The following P4HA1 variants were observed in gnomAD, a reference collection of about 807,000 sequenced individuals.
P4HA1 encodes the protein prolyl 4-hydroxylase subunit alpha 1, also known as prolyl 4-hydroxylase subunit alpha-1.
In P4HA1, 24 loss-of-function variants were observed where a neutral mutation model predicts 72.8. The observed-to-expected ratio is 0.33, with a 90% CI of 0.24 to 0.46. The LOEUF is 0.46. P4HA1 is among the 20% of genes least tolerant of loss of function. The pLI, the probability that P4HA1 is intolerant of heterozygous loss-of-function variation, is 1.00. For synonymous variants in P4HA1, 201 were observed against 218.8 expected (o/e 0.92, Z 0.72); for missense variants, 446 against 640.6 (o/e 0.70, Z 3.28).
intron 5 of P4HA1, among the ~76,000 whole-genome samples, chr10:73,067,776 T>A (rs112258363): frequency 6.6e-6 from 1 of 152,164 alleles, no homozygotes; most frequent in East Asian, 1.9e-4. Flanking sequence ...ACATCCCTTA[T>A]GAGGTCCAGC....
At chr10:73,030,572 T>C (rs1167200366) in intron 9 of P4HA1, among the ~76,000 whole-genome samples, 1 of 152,072 alleles carries the variant, frequency 6.6e-6, no homozygotes, top group Non-Finnish European at 1.5e-5. Context: ...TGTTAGAGGT[T>C]GGGAAGGAAA....
At chr10:73,011,156 G>T in intron 12 of P4HA1, 119 bp from the exon 13 acceptor site, 1 of 736,884 alleles carries the variant, frequency 1.4e-6, no homozygotes, top group Non-Finnish European at 2.3e-6. Context: ...TTCTTATATA[G>T]CATGGTTGGT....
intron 10 of P4HA1, among the ~76,000 whole-genome samples, chr10:73,025,680 T>C (rs570162900): frequency 1.4e-4 from 21 of 152,228 alleles, no homozygotes; most frequent in African/African-American, 5.1e-4. Flanking sequence ...ATTGTCCCTG[T>C]TTGCAGATGA....
At chr10:73,071,888 A>G in intron 4 of P4HA1, 141 bp downstream of exon 4, 2 of 546,630 alleles carry the variant, frequency 3.7e-6, no homozygotes, top group Non-Finnish European at 6.3e-6. Flanking sequence ...AATTAACTCT[A>G]TTCAAACCAA....
At chr10:73,075,503 T>C (rs373611954) in intron 1 of P4HA1, among the ~76,000 whole-genome samples, 7 of 152,272 alleles carry the variant, frequency 4.6e-5, no homozygotes, top group Admixed American at 2.6e-4. Context: ...ATTAGAGTAA[T>C]TGAATAGTAG....
chr10:73,048,263 T>C (rs1840924472), intron 7 of P4HA1, among the ~76,000 whole-genome samples: 1 of 152,038 alleles, frequency 6.6e-6, no homozygotes, highest in Non-Finnish European at 1.5e-5. Flanking sequence ...AAAAAGAATT[T>C]TTTGTTTTTG....
chr10:73,069,506 A>G (rs1196768497), intron 4 of P4HA1, among the ~76,000 whole-genome samples: 3 of 152,214 alleles, frequency 2.0e-5, no homozygotes, highest in Admixed American at 1.3e-4. Flanking sequence ...TATTAACTAT[A>G]TATTTAAGAT....
In P4HA1 at chr10:73,072,112, G is replaced by A. The variant is rs1841577626; in HGVS notation, c.242C>T (p.Pro81Leu). 3 of 1,612,748 alleles carry A rather than the reference G, an allele frequency of 1.9e-6. No individual in the cohort carries two copies. The highest frequency in any genetic ancestry group is 1.7e-6 in the Non-Finnish European group (2 of 1,179,014). ...TTTCATTAATTTGAATGCATTTACT[G>A]GATGCCCAACAAATCCTTCTGGATC... is the stretch of plus-strand genomic sequence containing the variant. ...TKDPEGFVGHPVNAFKLMKRL... is the reference protein window; with the variant it reads ...TKDPEGFVGHLVNAFKLMKRL... Residue 81 changes from proline to leucine, a missense_variant, in exon 4 of 15, where the codon CCA (proline) becomes CTA (leucine). Physicochemically the swap from Pro to Leu is moderately conservative, Grantham distance 98. Transcript: ENST00000394890.
At chr10:73,046,146 C>T (rs887102574) in intron 8 of P4HA1, among the ~76,000 whole-genome samples, 2 of 152,130 alleles carry the variant, frequency 1.3e-5, no homozygotes, top group Non-Finnish European at 2.9e-5. Context: ...ATATGGCCTC[C>T]AAAGCCTAAA....
intron 13 of P4HA1, among the ~76,000 whole-genome samples, chr10:73,010,405 T>C (rs1371192576): frequency 6.6e-6 from 1 of 152,164 alleles, no homozygotes; most frequent in Admixed American, 6.5e-5. Flanking sequence ...ACCATAAAAA[T>C]GTTTGACAAC....
intron 8 of P4HA1, among the ~76,000 whole-genome samples, chr10:73,045,873 C>CAA (rs537895197): frequency 0.048 from 5,426 of 112,276 alleles, 349 homozygotes; most frequent in African/African-American, 0.15. Context: ...AATCTTTGGC[C>CAA]AAAAAAAAAA....
chr10:73,059,583 A>G (rs1041396773), intron 5 of P4HA1, among the ~76,000 whole-genome samples: 3 of 150,950 alleles, frequency 2.0e-5, no homozygotes, highest in African/African-American at 7.3e-5. Context: ...CTCTACTAAA[A>G]ATACAAAAAA....
chr10:73,063,578 C>T (rs1397006969), intron 5 of P4HA1, among the ~76,000 whole-genome samples: 6 of 152,122 alleles, frequency 3.9e-5, no homozygotes, highest in Non-Finnish European at 5.9e-5. Flanking sequence ...TTTTCGGTTA[C>T]GAGAACTAGT....
chr10:73,065,290 T>G (rs950824570), intron 5 of P4HA1: 3 of 152,118 alleles, frequency 2.0e-5, no homozygotes, highest in Admixed American at 2.0e-4. Context: ...AAATCAGGGT[T>G]GGGAACAAAC....
chr10:73,033,479 T>C (rs1840489751), intron 9 of P4HA1, among the ~76,000 whole-genome samples: 1 of 152,228 alleles, frequency 6.6e-6, no homozygotes, highest in Non-Finnish European at 1.5e-5. Flanking sequence ...ACTCCAGCAG[T>C]TATTGCCTCC....
At chr10:73,044,096 C>CA (rs929016213) in intron 9 of P4HA1, 3 of 501,730 alleles carry the variant, frequency 6.0e-6, no homozygotes, top group African/African-American at 5.8e-5. Flanking sequence ...CTCGAATCCA[C>CA]AAAAACATTT....
chr10:73,044,937 A>C (rs759080081), intron 9 of P4HA1, 44 bp downstream of exon 9: 1 of 1,471,638 alleles, frequency 6.8e-7, no homozygotes, highest in Non-Finnish European at 9.5e-7. Flanking sequence ...AGATGTATAA[A>C]ACACTCATTA....
At chr10:73,047,468 G>A (rs1840894578) in intron 7 of P4HA1, among the ~76,000 whole-genome samples, 1 of 136,746 alleles carries the variant, frequency 7.3e-6, no homozygotes, top group Admixed American at 8.2e-5. Context: ...AAAGTAACTG[G>A]AAAGCACCCA....
chr10:73,069,386 G>T lies in P4HA1; in HGVS notation c.326-403C>A, dbSNP rs901298189. 2.6e-5 allele frequency among the ~76,000 whole-genome samples: 4 copies of T among 152,114 alleles called. No homozygotes were observed. The East Asian group carries it at 7.7e-4, about 29-fold the overall frequency. ...CAATTATACTTCCAGATAACAGATG[G>T]TAAGTAAAATATGTGCTCTTAAAGT... is the stretch of plus-strand genomic sequence containing the variant. On this transcript the variant is annotated intron_variant, in intron 4 of 14. Coordinates refer to ENST00000394890, the MANE Select transcript of P4HA1 (RefSeq NM_001017962.3).
Sources: allele counts gnomAD v4.1 joint callset (sites outside exome capture counted in the v4.1 genomes callset), GRCh38; gene constraint gnomAD v4.1.1; transcripts MANE v1.5; gene names NCBI Gene and HGNC (gene_info 2026-07-23, HGNC 2026-07-21).